The following ALK variants were observed in gnomAD, a reference collection of about 807,000 sequenced individuals.
ALK encodes ALK tyrosine kinase receptor.
ALK carries 74 observed loss-of-function variants against 163.1 expected under a neutral mutation model. That is an observed-to-expected ratio of 0.45 (90% CI 0.38 to 0.55). ALK has a LOEUF of 0.55. Among genes scored for constraint, ALK ranks in the 20% least tolerant of loss-of-function variants. The probability of loss-of-function intolerance (pLI) is 0.00; values close to 1 mark genes in which losing one functional copy is unlikely to be tolerated. For synonymous variants in ALK, 960 were observed against 843.2 expected, an observed-to-expected ratio of 1.14 and a Z score of -2.40; for missense variants, 2,063 against 2,105.3, an observed-to-expected ratio of 0.98 and a Z score of 0.39.
intron 3 of ALK, among the ~76,000 whole-genome samples, chr2:29,601,805 C>T (rs1573491087): frequency 6.6e-6 from 1 of 152,170 alleles, no homozygotes; most frequent in Admixed American, 6.5e-5. Flanking sequence ...CTCGTCCTGG[C>T]ATTCATTGTC....
intron 2 of ALK, among the ~76,000 whole-genome samples, chr2:29,710,248 G>T (rs542537386): frequency 6.6e-6 from 1 of 152,282 alleles, no homozygotes; most frequent in Non-Finnish European, 1.5e-5. Flanking sequence ...GGTCTCTCAA[G>T]CCATGTGGAA....
At chr2:29,722,084 C>G (rs1679437845) in intron 1 of ALK, among the ~76,000 whole-genome samples, 1 of 152,228 alleles carries the variant, frequency 6.6e-6, no homozygotes, top group Admixed American at 6.5e-5. Flanking sequence ...TTTTTCACAT[C>G]CTGGTCACCA....
At chr2:29,720,986 T>C (rs1374145737) in intron 1 of ALK, among the ~76,000 whole-genome samples, 1 of 151,926 alleles carries the variant, frequency 6.6e-6, no homozygotes, top group Non-Finnish European at 1.5e-5. Flanking sequence ...GAAACGTAGA[T>C]GAGAAAGGAG....
chr2:29,800,942 G>A (rs1185838272), intron 1 of ALK, among the ~76,000 whole-genome samples: 2 of 152,134 alleles, frequency 1.3e-5, no homozygotes, highest in Admixed American at 1.3e-4. Context: ...CCCTCCTGTG[G>A]GCTCCCGTGG....
rs1029580208 is a variant in ALK, at chr2:29,327,216, C to T, written c.1414+1134G>A. The stretch of plus-strand genomic sequence containing the variant: ...TCCGCCCCGACTGCCAGTGGGGCCT[C>T]GGCAATTTGTTTTCCCCTATGGAGT... On this transcript the variant is annotated intron_variant, in intron 6 of 28. Coordinates refer to ENST00000389048, the MANE Select transcript of ALK (RefSeq NM_004304.5). 1.5e-4 allele frequency among the ~76,000 whole-genome samples: 23 copies of T among 152,122 alleles called. 1 individual carries two copies. Among genetic ancestry groups the T allele is most frequent in the Admixed American group, 1.2e-3 (18 of 15,284 alleles).
At chr2:29,853,481 C>T (rs554255760) in intron 1 of ALK, among the ~76,000 whole-genome samples, 73 of 152,260 alleles carry the variant, frequency 4.8e-4, no homozygotes, top group African/African-American at 1.6e-3. Context: ...TCCCAGGCCC[C>T]CCACACCTTG....
intron 4 of ALK, among the ~76,000 whole-genome samples, chr2:29,413,325 A>G (rs1311230715): frequency 6.6e-6 from 1 of 152,104 alleles, no homozygotes; most frequent in Non-Finnish European, 1.5e-5. Flanking sequence ...TAATAAAAGT[A>G]TAGTATAGTA....
At chr2:29,473,101 G>T (rs982698999) in intron 4 of ALK, among the ~76,000 whole-genome samples, 2 of 152,226 alleles carry the variant, frequency 1.3e-5, no homozygotes, top group South Asian at 4.1e-4. Flanking sequence ...TACAGTACCA[G>T]ATATCAAGAC....
intron 3 of ALK, among the ~76,000 whole-genome samples, chr2:29,544,491 A>G (rs1673500955): frequency 6.6e-6 from 1 of 152,186 alleles, no homozygotes. Context: ...ATAATGTTCT[A>G]TGGAACACAC....
chr2:29,493,073 T>C (rs1671940689), intron 4 of ALK, among the ~76,000 whole-genome samples: 1 of 152,184 alleles, frequency 6.6e-6, no homozygotes, highest in Non-Finnish European at 1.5e-5. Flanking sequence ...CTGCTGTCCT[T>C]TTGAGTAATA....
chr2:29,668,447 T>C (rs1677584498), intron 3 of ALK, among the ~76,000 whole-genome samples: 1 of 152,110 alleles, frequency 6.6e-6, no homozygotes, highest in South Asian at 2.1e-4. Context: ...TTTGGTATGT[T>C]GTATTTCCAT....
chr2:29,788,934 T>C (rs920427356), intron 1 of ALK, among the ~76,000 whole-genome samples: 2 of 152,120 alleles, frequency 1.3e-5, no homozygotes, highest in African/African-American at 4.8e-5. Context: ...GTTAGTAGAC[T>C]GGTTGTTTCT....
At chr2:29,906,179 G>A (rs989451872) in intron 1 of ALK, among the ~76,000 whole-genome samples, 6 of 151,954 alleles carry the variant, frequency 3.9e-5, no homozygotes, top group African/African-American at 1.2e-4. Context: ...TGAAACCTGT[G>A]GTGAATGAGG....
intron 4 of ALK, among the ~76,000 whole-genome samples, chr2:29,418,801 T>C (rs62131768): frequency 0.069 from 10,499 of 151,906 alleles, 579 homozygotes; most frequent in Non-Finnish European, 0.1. Flanking sequence ...TATCTTTGCA[T>C]TGGGTGGTAT....
chr2:29,891,161 A>T (rs1667134665), intron 1 of ALK, among the ~76,000 whole-genome samples: 1 of 152,200 alleles, frequency 6.6e-6, no homozygotes, highest in Admixed American at 6.5e-5. Context: ...TAGAGGAAAA[A>T]GAGGGGCCTT....
In ALK at chr2:29,209,853, A is replaced by G. The variant is rs775036385; in HGVS notation, c.3769T>C (p.Leu1257=). Residue 1257 remains leucine, a synonymous_variant, in exon 25 of 29, where the codon TTG becomes CTG. Coordinates refer to ENST00000389048, the MANE Select transcript of ALK (RefSeq NM_004304.5). The part of the protein sequence containing the change: ...HRDIAARNCL[L]TCPGPGRVAK... ...ACTCTTCCAGGGCCTGGACAGGTCA[A>G]GAGGCAGTTTCTGGCAGCAATGTCT... 22 of 1,614,216 alleles carry G rather than the reference A, an allele frequency of 1.4e-5. No homozygotes were observed. Among genetic ancestry groups the G allele is most frequent in the Non-Finnish European group, 1.9e-5 (22 of 1,180,024 alleles).
chr2:29,801,077 T>C (rs1296067903), intron 1 of ALK, among the ~76,000 whole-genome samples: 1 of 152,102 alleles, frequency 6.6e-6, no homozygotes, highest in Non-Finnish European at 1.5e-5. Flanking sequence ...AACCTACAGA[T>C]GGCAAGAGAG....
rs1431546096 is a variant in ALK, at chr2:29,577,977, C to T, written c.953-45861G>A. ...GGTGGCACCCCCTAGTTGCATTGGG[C>T]TCTTTCCTCTAGGTAAAGAGGAAGA... is the stretch of plus-strand genomic sequence containing the variant. On this transcript the variant is annotated intron_variant, in intron 3 of 28. Transcript: ENST00000389048. Among the ~76,000 whole-genome samples the T allele has an allele frequency of 3.9e-5, 6 of 152,264 alleles. 1 individual carries two copies. The South Asian group carries it at 6.2e-4, about 16-fold the overall frequency.
At chr2:29,429,318 T>A (rs1297704253) in intron 4 of ALK, among the ~76,000 whole-genome samples, 2 of 151,912 alleles carry the variant, frequency 1.3e-5, no homozygotes, top group Non-Finnish European at 2.9e-5. Context: ...AGGATAACTA[T>A]CTCTATTTGC....
Sources: allele counts gnomAD v4.1 joint callset (sites outside exome capture counted in the v4.1 genomes callset), GRCh38; gene constraint gnomAD v4.1.1; transcripts MANE v1.5; gene names NCBI Gene and HGNC (gene_info 2026-07-23, HGNC 2026-07-21).